The following CPNE4 variants were observed in gnomAD, a reference collection of about 807,000 sequenced individuals.
CPNE4 encodes copine-4.
Under a neutral mutation model 67.9 loss-of-function variants are expected in CPNE4, and 25 were observed. The observed-to-expected ratio is 0.37, with a 90% CI of 0.27 to 0.51. The LOEUF (loss-of-function observed/expected upper bound fraction) is 0.51, where lower values mean the gene tolerates loss of function less well. CPNE4 is among the 20% of genes least tolerant of loss of function. CPNE4 has a pLI of 0.93. For missense variants in CPNE4, 464 were observed against 690.8 expected, an observed-to-expected ratio of 0.67 and a Z score of 3.68; for synonymous variants, 242 against 244.9, an observed-to-expected ratio of 0.99 and a Z score of 0.11.
chr3:132,025,461 A>C (rs1446137744), intron 1 of CPNE4, among the ~76,000 whole-genome samples: 1 of 152,214 alleles, frequency 6.6e-6, no homozygotes, highest in Non-Finnish European at 1.5e-5. Flanking sequence ...GTGAGTAGGA[A>C]CAGAGAGAGA....
chr3:131,800,960 TCTAG>T (rs2084077836), intron 2 of CPNE4, among the ~76,000 whole-genome samples: 1 of 152,098 alleles, frequency 6.6e-6, no homozygotes, highest in South Asian at 2.1e-4. Context: ...CAAAAATTCA[TCTAG>T]AAAAATTTTC....
At chr3:131,957,355 G>T (rs1439771139) in intron 1 of CPNE4, among the ~76,000 whole-genome samples, 2 of 152,192 alleles carry the variant, frequency 1.3e-5, no homozygotes, top group Admixed American at 1.3e-4. Context: ...GTGTACACTA[G>T]CATGGTTTGT....
chr3:131,994,680 A>C (rs2107653529), intron 1 of CPNE4, among the ~76,000 whole-genome samples: 1 of 152,344 alleles, frequency 6.6e-6, no homozygotes, highest in South Asian at 2.1e-4. Flanking sequence ...TGAATACATT[A>C]AAGCAAGTAA....
chr3:132,036,706 G>A (rs895963184), upstream of CPNE4, among the ~76,000 whole-genome samples: 1 of 152,142 alleles, frequency 6.6e-6, no homozygotes, highest in Non-Finnish European at 1.5e-5. Flanking sequence ...GAAGGCAAGG[G>A]ATATGTCTGT....
chr3:132,026,051 C>T (rs2369365), intron 1 of CPNE4, among the ~76,000 whole-genome samples: 104,741 of 152,136 alleles, frequency 0.69, 36,905 homozygotes, highest in African/African-American at 0.75. Context: ...ATATGTCATA[C>T]AACTTCATAT....
chr3:131,715,157 G>T (rs2081651987), intron 3 of CPNE4, among the ~76,000 whole-genome samples: 1 of 152,180 alleles, frequency 6.6e-6, no homozygotes, highest in South Asian at 2.1e-4. Flanking sequence ...CCAGAGCAAT[G>T]CACCTTCTGG....
At chr3:131,792,726 T>TAG in intron 2 of CPNE4, among the ~76,000 whole-genome samples, 1 of 128,950 alleles carries the variant, frequency 7.8e-6, no homozygotes, top group Non-Finnish European at 1.7e-5. Context: ...TATGTATATA[T>TAG]ATACACGTGT....
intron 6 of CPNE4, among the ~76,000 whole-genome samples, chr3:131,673,188 A>T (rs1228188065): frequency 2.0e-5 from 3 of 151,958 alleles, no homozygotes; most frequent in Admixed American, 2.0e-4. Flanking sequence ...ATTCTGTTCC[A>T]TGGGTTTATG....
At chr3:131,882,795 C>A (rs1003612941) in intron 2 of CPNE4, among the ~76,000 whole-genome samples, 1 of 150,708 alleles carries the variant, frequency 6.6e-6, no homozygotes, top group Non-Finnish European at 1.5e-5. Flanking sequence ...CAGCTCACTG[C>A]AAGCTCTGCC....
chr3:131,544,099 A>T (rs954528673), intron 14 of CPNE4, among the ~76,000 whole-genome samples: 1 of 152,200 alleles, frequency 6.6e-6, no homozygotes, highest in Non-Finnish European at 1.5e-5. Context: ...CTTTACTGGT[A>T]AGAGGAAAGA....
intron 7 of CPNE4, among the ~76,000 whole-genome samples, chr3:131,603,246 A>T (rs974453548): frequency 6.6e-6 from 1 of 152,214 alleles, no homozygotes; most frequent in African/African-American, 2.4e-5. Flanking sequence ...ACAGCAAAAA[A>T]GATACATAAG....
intron 5 of CPNE4, among the ~76,000 whole-genome samples, chr3:131,693,043 A>C (rs1033306210): frequency 6.6e-5 from 10 of 152,190 alleles, no homozygotes; most frequent in Admixed American, 1.3e-4. Context: ...TTAGATAAAT[A>C]AGTTATTTAT....
chr3:131,789,670 C>G lies in CPNE4; in HGVS notation c.181-66045G>C, dbSNP rs1452921043. Among the ~76,000 whole-genome samples the G allele has an allele frequency of 2.6e-5, 4 of 152,286 alleles. No homozygotes were observed. In the East Asian group the frequency reaches 5.8e-4, roughly 22 times the overall value. ...ATGAGGCATTTAATGTAAAACACCA[C>G]TGAAGAAATAAAATTCAGTTAATTA... On this transcript the variant is annotated intron_variant, in intron 2 of 15. Transcript: ENST00000429747.
chr3:131,865,616 T>C (rs2086908486), intron 2 of CPNE4, among the ~76,000 whole-genome samples: 1 of 151,908 alleles, frequency 6.6e-6, no homozygotes, highest in Admixed American at 6.6e-5. Flanking sequence ...CTTCTGAATA[T>C]GGGCTGCATC....
chr3:131,748,396 T>C lies in CPNE4; in HGVS notation c.181-24771A>G, dbSNP rs561437939. Among the ~76,000 whole-genome samples, 6 of 152,154 alleles carry C rather than the reference T, an allele frequency of 3.9e-5. No individual in the cohort carries two copies. In the South Asian group the frequency reaches 1.2e-3, roughly 32 times the overall value. On this transcript the variant is annotated intron_variant, in intron 2 of 15. Transcript: ENST00000429747. ...TTTGCATCTATATCGTGAGGAATAC[T>C]GGTCTTTTTTTTAATAATTTTTTTG... is the stretch of plus-strand genomic sequence containing the variant.
intron 1 of CPNE4, among the ~76,000 whole-genome samples, chr3:131,998,291 C>T (rs1344502458): frequency 1.3e-5 from 2 of 152,100 alleles, no homozygotes; most frequent in African/African-American, 2.4e-5. Flanking sequence ...GCTGATCCCA[C>T]GTGTGTACTA....
chr3:131,710,025 G>T (rs1447781954), intron 3 of CPNE4, among the ~76,000 whole-genome samples: 1 of 152,162 alleles, frequency 6.6e-6, no homozygotes. Flanking sequence ...GCTCCATGAG[G>T]CAGGGCTTTG....
chr3:131,906,115 T>C (rs1433644916), intron 1 of CPNE4, among the ~76,000 whole-genome samples: 1 of 152,082 alleles, frequency 6.6e-6, no homozygotes, highest in East Asian at 1.9e-4. Flanking sequence ...CAAAGCTTCC[T>C]ATTCTGAACT....
intron 2 of CPNE4, among the ~76,000 whole-genome samples, chr3:131,786,181 G>T (rs1164143306): frequency 6.6e-6 from 1 of 152,004 alleles, no homozygotes; most frequent in Admixed American, 6.6e-5. Flanking sequence ...ATCTGGCTTT[G>T]TTCCTCTTCT....
Sources: allele counts gnomAD v4.1 joint callset (sites outside exome capture counted in the v4.1 genomes callset), GRCh38; gene constraint gnomAD v4.1.1; transcripts MANE v1.5; gene names NCBI Gene and HGNC (gene_info 2026-07-23, HGNC 2026-07-21).